Variants in BAZ1A observed in about 807,000 individuals in gnomAD.
The protein encoded by BAZ1A is bromodomain adjacent to zinc finger domain 1A, also known as bromodomain adjacent to zinc finger domain protein 1A.
In BAZ1A, 50 loss-of-function variants were observed where a neutral mutation model predicts 185.2. The observed-to-expected ratio is 0.27, with a 90% CI of 0.22 to 0.34. The LOEUF is 0.34. Ranked by LOEUF, BAZ1A falls within the 10% of genes least tolerant of loss-of-function variation. BAZ1A has a pLI of 1.00. For missense variants in BAZ1A, 1,356 were observed against 1,839.9 expected, an observed-to-expected ratio of 0.74 and a Z score of 4.81; for synonymous variants, 571 against 615.6, an observed-to-expected ratio of 0.93 and a Z score of 1.07.
chr14:34,853,347 G>A (rs529986302), intron 3 of BAZ1A, among the ~76,000 whole-genome samples: 72 of 152,276 alleles, frequency 4.7e-4, no homozygotes, highest in African/African-American at 1.7e-3. Flanking sequence ...TCTTTGCCAA[G>A]TAGTCAGCTA....
chr14:34,753,216 A>G lies in BAZ1A; in HGVS notation c.*292T>C. The G allele has an allele frequency of 3.5e-6, 1 of 283,606 alleles. No homozygotes were observed. The highest frequency in any genetic ancestry group is 6.6e-6 in the Non-Finnish European group (1 of 152,020). 17.6% of individuals were successfully genotyped at this position (283,606 alleles called of 1,614,324 possible). ...TAACAAAATAAATCGTGGGTGAAAA[A>G]ATATTTTCCAAGATCTCTGGACACA... is the stretch of plus-strand genomic sequence containing the variant. On this transcript the variant is annotated 3_prime_UTR_variant, in exon 27 of 27. Coordinates refer to ENST00000360310, the MANE Select transcript of BAZ1A (RefSeq NM_013448.3).
chr14:34,875,095 C>G (rs147854741), intron 1 of BAZ1A, 43 bp downstream of exon 1: 8 of 362,798 alleles, frequency 2.2e-5, no homozygotes, highest in Non-Finnish European at 2.7e-5. Flanking sequence ...CGGCTCGCCT[C>G]CACTTCCCCG....
intron 21 of BAZ1A, 44 bp from the exon 22 acceptor site, chr14:34,765,312 T>C (rs754452249): frequency 1.3e-6 from 2 of 1,594,270 alleles, no homozygotes; most frequent in Non-Finnish European, 1.7e-6. Context: ...TAGGCAAACC[T>C]AGTAATCTTC....
In BAZ1A at chr14:34,795,757, C is replaced by G; in HGVS notation, c.1137G>C (p.Glu379Asp). The change falls in exon 10 of 27, where the codon GAG becomes GAC. Residue 379 changes from glutamate to aspartate, a missense_variant. Transcript: ENST00000360310. ...RLKVEREKER[E>D]KLREEKRKYV... ...ACTTTCGCTTTTCTTCACGTAACTT[C>G]TCTCTTTCCTAGAAATTTTTAAAAG... The G allele has an allele frequency of 6.2e-7, 1 of 1,609,776 alleles. No homozygotes were observed. The highest frequency in any genetic ancestry group is 8.5e-7 in the Non-Finnish European group (1 of 1,178,440).
Position 34,813,157 on chromosome 14 carries a change from T to C in BAZ1A, c.537-2121A>G, listed in dbSNP as rs75246222. ...CAGCACTTTGTGAGGCCAAGGCTTG[T>C]GGATCACTTGAGCTGAGGAGTTTGA... On this transcript the variant is annotated intron_variant, in intron 4 of 26. Coordinates refer to ENST00000360310, the MANE Select transcript of BAZ1A (RefSeq NM_013448.3). Among the ~76,000 whole-genome samples the C allele has an allele frequency of 7.0e-3, 1,060 of 152,150 alleles. 17 individuals are homozygous for C. Among genetic ancestry groups the C allele is most frequent in the African/African-American group, 0.022 (913 of 41,498 alleles).
chr14:34,766,095 G>C (rs1400378627), intron 21 of BAZ1A, among the ~76,000 whole-genome samples: 1 of 152,124 alleles, frequency 6.6e-6, no homozygotes, highest in Non-Finnish European at 1.5e-5. Context: ...GTGAGTACTG[G>C]CTCCCCCATA....
intron 3 of BAZ1A, among the ~76,000 whole-genome samples, chr14:34,851,776 T>TA (rs111955378): frequency 0.15 from 21,943 of 147,880 alleles, 1,738 homozygotes; most frequent in South Asian, 0.24. Flanking sequence ...CATAGTGAAG[T>TA]AAAAAAAAAA....
At chr14:34,786,351 G>A in intron 12 of BAZ1A, 130 bp from the exon 13 acceptor site, 5 of 746,008 alleles carry the variant, frequency 6.7e-6, no homozygotes, top group South Asian at 1.9e-5. Context: ...CAAACACTAG[G>A]TACAAGCAAT....
At chr14:34,793,002 C>G in intron 11 of BAZ1A, 81 bp from the exon 12 acceptor site, 1 of 1,284,988 alleles carries the variant, frequency 7.8e-7, no homozygotes, top group Non-Finnish European at 1.1e-6. Context: ...AACATGTAAT[C>G]AACAATAGTA....
At chr14:34,840,798 AAAAACTTAT>A (rs2042401860) in intron 3 of BAZ1A, among the ~76,000 whole-genome samples, 5 of 148,502 alleles carry the variant, frequency 3.4e-5, no homozygotes, top group African/African-American at 9.9e-5. Flanking sequence ...CAAACAAACA[AAAAACTTAT>A]ACTTATTACT....
intron 2 of BAZ1A, among the ~76,000 whole-genome samples, chr14:34,864,633 A>C (rs1451395119): frequency 6.6e-6 from 1 of 150,400 alleles, no homozygotes; most frequent in Non-Finnish European, 1.5e-5. Context: ...GACGCGCGCC[A>C]CCACACCCAG....
At chr14:34,856,289 C>CTTT (rs10707416) in intron 3 of BAZ1A, among the ~76,000 whole-genome samples, 28,198 of 134,238 alleles carry the variant, frequency 0.21, 3,404 homozygotes, top group Non-Finnish European at 0.26. Context: ...TCAAGAGCAT[C>CTTT]TTTTTTTTTT....
At chr14:34,809,635 T>C (rs892868625) in intron 5 of BAZ1A, among the ~76,000 whole-genome samples, 11 of 152,186 alleles carry the variant, frequency 7.2e-5, no homozygotes, top group Non-Finnish European at 1.6e-4. Flanking sequence ...TCTTTTATTA[T>C]GAAGTATAAC....
chr14:34,768,991 T>TA (rs1204192198), intron 21 of BAZ1A, among the ~76,000 whole-genome samples: 1 of 152,116 alleles, frequency 6.6e-6, no homozygotes, highest in Non-Finnish European at 1.5e-5. Context: ...AGGGACATAT[T>TA]AGAGAGGTAG....
chr14:34,792,788 A>G lies in BAZ1A; in HGVS notation c.1497T>C (p.Asp499=). 6.2e-7 allele frequency: 1 copy of G among 1,613,896 alleles called. No homozygotes were observed. The highest frequency in any genetic ancestry group is 1.7e-4 in the Middle Eastern group (1 of 6,058). ...EEEVAKEQLT[D]ADTKDLTEAL... is the part of the protein sequence containing the mutation. ...TTGAACTCTGACCTTTGGTGTCAGCATCAGTTAGTTGCTCTTTGGCTACTT... is the reference window on the plus strand; with the variant it reads ...TTGAACTCTGACCTTTGGTGTCAGCGTCAGTTAGTTGCTCTTTGGCTACTT... Residue 499 remains aspartate (D), a synonymous_variant, in exon 12 of 27, where the codon GAT becomes GAC. Coordinates refer to ENST00000360310, the MANE Select transcript of BAZ1A (RefSeq NM_013448.3).
At chr14:34,858,054 C>T (rs1252543417) in intron 3 of BAZ1A, among the ~76,000 whole-genome samples, 1 of 152,124 alleles carries the variant, frequency 6.6e-6, no homozygotes, top group Non-Finnish European at 1.5e-5. Context: ...ATACAGCGAA[C>T]AAAAATTCCT....
Position 34,776,250 on chromosome 14 carries a change from T to G in BAZ1A, c.2502A>C (p.Glu834Asp). Residue 834 changes from glutamate (E) to aspartate (D), a missense_variant, in exon 18 of 27, where the codon GAA becomes GAC. Glu to Asp is a conservative substitution (Grantham distance 45). This residue lies in a region of BAZ1A where 434 missense variants were observed against 561.7 expected (regional missense o/e 0.77). Transcript: ENST00000360310. ...ATGAAGGTCTAGGCAACAGCATGTC[T>G]TCAGTAAGACCAGAATAATCCTCTT... ...FIEEDYSGLT[E>D]DMLLPRPSSF... 1 of 1,613,960 alleles carries G rather than the reference T, an allele frequency of 6.2e-7. No homozygotes were observed. Among genetic ancestry groups the G allele is most frequent in the Non-Finnish European group, 8.5e-7 (1 of 1,179,840 alleles).
chr14:34,853,556 G>A (rs1286430316), intron 3 of BAZ1A, among the ~76,000 whole-genome samples: 3 of 152,080 alleles, frequency 2.0e-5, no homozygotes, highest in East Asian at 1.9e-4. Context: ...AGGCCGAGGC[G>A]GGTGAATTAT....
rs970800810 is a variant in BAZ1A, at chr14:34,801,266, C to A, written c.862-73G>T. The stretch of plus-strand genomic sequence containing the variant: ...AAAAGCAAAAAATTTAAAACTCTCA[C>A]CAATTACACTTTCTTTATACTAAAA... On this transcript the variant is annotated intron_variant, in intron 7 of 26. Transcript: ENST00000360310. The A allele has an allele frequency of 6.2e-6, 6 of 968,534 alleles. No individual in the cohort carries two copies. In the African/African-American group the frequency reaches 1.0e-4, roughly 16 times the overall value. The allele number at this position is 968,534 out of a possible 1,614,324, so 60.0% of individuals were successfully genotyped here.
Sources: gnomAD v4.1 joint callset for allele counts (sites outside exome capture counted in the v4.1 genomes callset) on GRCh38, gnomAD v4.1.1 for gene constraint, gnomAD v4.1.1 regional missense constraint, MANE v1.5 for transcripts, NCBI Gene and HGNC (gene_info 2026-07-23, HGNC 2026-07-21) for gene names.